SEPTIN11: variants seen among roughly 807,000 people sequenced by gnomAD.
SEPTIN11 encodes the protein septin-11.
SEPTIN11 carries 25 observed loss-of-function variants against 51.4 expected under a neutral mutation model. The observed-to-expected ratio is 0.49, with a 90% CI of 0.35 to 0.68. The LOEUF (loss-of-function observed/expected upper bound fraction) is 0.68, where lower values mean the gene tolerates loss of function less well. Ranked by LOEUF, SEPTIN11 falls within the 30% of genes least tolerant of loss-of-function variation. SEPTIN11 has a pLI of 0.00. For missense variants in SEPTIN11, 381 were observed against 520.8 expected, an observed-to-expected ratio of 0.73 and a Z score of 2.61; for synonymous variants, 174 against 184.1, an observed-to-expected ratio of 0.95 and a Z score of 0.44.
chr4:76,987,064 A>G (rs1423920670), intron 1 of SEPTIN11, among the ~76,000 whole-genome samples: 4 of 152,212 alleles, frequency 2.6e-5, no homozygotes, highest in African/African-American at 9.6e-5. Context: ...ACAATTATTC[A>G]GTATTAATCA....
chr4:76,968,135 T>G (rs1578124984), intron 1 of SEPTIN11, among the ~76,000 whole-genome samples: 1 of 152,226 alleles, frequency 6.6e-6, no homozygotes, highest in South Asian at 2.1e-4. Flanking sequence ...TTAATGGCTG[T>G]TCCTATAGGC....
chr4:77,016,131 A>C lies in SEPTIN11; in HGVS notation c.687+1114A>C, dbSNP rs114217645. 7.4e-3 allele frequency among the ~76,000 whole-genome samples: 1,130 copies of C among 152,264 alleles called. 10 individuals carry two copies. The highest frequency in any genetic ancestry group is 0.026 in the African/African-American group (1,067 of 41,532). On this transcript the variant is annotated intron_variant, in intron 5 of 9. Transcript: ENST00000264893. ...TGGTTGTGGGTATTGAGAGCTACAT[A>C]ATAATAATAGCACCTGACATTTTTC... is the stretch of plus-strand genomic sequence containing the variant.
Position 77,015,558 on chromosome 4 carries a change from G to T in SEPTIN11, c.687+541G>T, listed in dbSNP as rs184730655. 7.5e-4 allele frequency among the ~76,000 whole-genome samples: 114 copies of T among 152,284 alleles called. 1 individual carries two copies. The highest frequency in any genetic ancestry group is 2.6e-3 in the African/African-American group (110 of 41,548). On this transcript the variant is annotated intron_variant, in intron 5 of 9. Transcript: ENST00000264893. ...TGATTGTGATGTAATCCCTCCTGGTGAGTCTCCATCCTGCCGGTTGATGCT... is the reference window on the plus strand; with the variant it reads ...TGATTGTGATGTAATCCCTCCTGGTTAGTCTCCATCCTGCCGGTTGATGCT...
intron 1 of SEPTIN11, among the ~76,000 whole-genome samples, chr4:76,960,229 G>A (rs1037520457): frequency 1.3e-5 from 2 of 152,180 alleles, no homozygotes; most frequent in African/African-American, 4.8e-5. Flanking sequence ...TCTAAGACTA[G>A]TACTTTGGCC....
chr4:76,985,859 A>C (rs1723001282), intron 1 of SEPTIN11, among the ~76,000 whole-genome samples: 1 of 152,170 alleles, frequency 6.6e-6, no homozygotes, highest in African/African-American at 2.4e-5. Context: ...GGCGCTTACA[A>C]ATTTTGGTGA....
Position 77,020,689 on chromosome 4 carries a change from A to G in SEPTIN11, c.953+19A>G, listed in dbSNP as rs748285874. ...CCTTCAGGTATGAAGGCATCTAGCA[A>G]TCAGGTGTCTCCCAGACAGTGGCGA... On this transcript the variant is annotated intron_variant, in intron 7 of 9. Transcript: ENST00000264893. The G allele has an allele frequency of 1.9e-6, 3 of 1,611,118 alleles. No homozygotes were observed. The Admixed American group carries it at 5.0e-5, about 27-fold the overall frequency.
At chr4:77,039,732 T>C (rs757832767), downstream of SEPTIN11, 2 of 985,438 alleles carry the variant, frequency 2.0e-6, no homozygotes, top group Non-Finnish European at 2.4e-6. Flanking sequence ...TACAATGTTT[T>C]TATTTTTCAG....
chr4:76,972,043 G>A (rs1722270021), intron 1 of SEPTIN11, among the ~76,000 whole-genome samples: 2 of 152,178 alleles, frequency 1.3e-5, no homozygotes, highest in East Asian at 1.9e-4. Context: ...GACTTAGTGA[G>A]GTTGGACATC....
Position 76,949,790 on chromosome 4 carries a change from C to G in SEPTIN11, c.-114C>G. 8.5e-7 allele frequency: 1 copy of G among 1,175,764 alleles called. No individual in the cohort carries two copies. Among genetic ancestry groups the G allele is most frequent in the Non-Finnish European group, 1.2e-6 (1 of 850,858 alleles). The allele number at this position is 1,175,764 out of a possible 1,614,324, so 72.8% of individuals were successfully genotyped here. A position where few individuals can be genotyped will look rare whatever the true frequency, so the allele number is the denominator to read the frequency against. On this transcript the variant is annotated 5_prime_UTR_variant, in exon 1 of 10. Transcript: ENST00000264893. The stretch of plus-strand genomic sequence containing the variant: ...TGGCTGCCAGCGGGACGCCGGCGAG[C>G]AGAGCGCAGCCGCGAGGGAGGCGCG...
In SEPTIN11 at chr4:77,030,810, C is replaced by T; in HGVS notation, c.1114C>T (p.Arg372Trp). The change falls in exon 9 of 10, where the codon CGG becomes TGG. Residue 372 changes from arginine (R) to tryptophan (W), a missense_variant. Coordinates refer to ENST00000264893, the MANE Select transcript of SEPTIN11 (RefSeq NM_018243.4). ...TCACGAGAAGTTTGACCTTCTAAAG[C>T]GGACACACCAAGAAGAAAAGAAGAA... is the stretch of plus-strand genomic sequence containing the variant. ...ELHEKFDLLK[R>W]THQEEKKKVE... is the part of the protein sequence containing the mutation. 3.7e-6 allele frequency: 6 copies of T among 1,600,090 alleles called. No individual in the cohort carries two copies. The highest frequency in any genetic ancestry group is 1.1e-5 in the South Asian group (1 of 89,434).
At position 76,970,736 on chromosome 4, in the gene SEPTIN11, A is replaced by G. The variant is rs371323505; in HGVS notation, c.27+20806A>G. Among the ~76,000 whole-genome samples the G allele has an allele frequency of 3.2e-4, 49 of 152,346 alleles. No individual in the cohort carries two copies. The East Asian group carries it at 4.6e-3, about 14-fold the overall frequency. On this transcript the variant is annotated intron_variant, in intron 1 of 9. Coordinates refer to ENST00000264893, the MANE Select transcript of SEPTIN11 (RefSeq NM_018243.4). The stretch of plus-strand genomic sequence containing the variant: ...AATTTACTCCTATCAATCAGAAAAT[A>G]CTACAGTGACTGGTGAGGCAGCCTT...
intron 1 of SEPTIN11, among the ~76,000 whole-genome samples, chr4:76,964,027 C>A (rs942219884): frequency 5.9e-5 from 9 of 151,918 alleles, no homozygotes; most frequent in Admixed American, 5.9e-4. Flanking sequence ...TTGTTCAATT[C>A]CTACCTATGA....
At chr4:77,018,427 C>T (rs568206170) in intron 5 of SEPTIN11, among the ~76,000 whole-genome samples, 16 of 145,186 alleles carry the variant, frequency 1.1e-4, no homozygotes, top group Middle Eastern at 3.7e-3. Context: ...CCAGCCTGGG[C>T]AACAGAGCGA....
intron 1 of SEPTIN11, among the ~76,000 whole-genome samples, chr4:76,953,663 T>C (rs889246730): frequency 2.0e-5 from 3 of 152,202 alleles, no homozygotes; most frequent in Non-Finnish European, 2.9e-5. Flanking sequence ...TTTCAAAAAT[T>C]AGAACTTTTT....
rs1726966163 is a variant in SEPTIN11 at position 77,035,521 on chromosome 4, G to A, written c.*1009G>A. 1.0e-6 allele frequency: 1 copy of A among 985,360 alleles called. No individual in the cohort carries two copies. The highest frequency in any genetic ancestry group is 1.2e-6 in the Non-Finnish European group (1 of 829,908). The allele number at this position is 985,360 out of a possible 1,614,324, so 61.0% of individuals were successfully genotyped here. On this transcript the variant is annotated 3_prime_UTR_variant, in exon 10 of 10. Coordinates refer to ENST00000264893, the MANE Select transcript of SEPTIN11 (RefSeq NM_018243.4). ...TGTATCATTGGTAGCACAAATTTGAGCGAGGCCTTGTCAATTTTAAGGTGG... is the reference window on the plus strand; with the variant it reads ...TGTATCATTGGTAGCACAAATTTGAACGAGGCCTTGTCAATTTTAAGGTGG...
chr4:77,001,225 T>C (rs895371339), intron 2 of SEPTIN11, among the ~76,000 whole-genome samples: 1 of 152,162 alleles, frequency 6.6e-6, no homozygotes, highest in African/African-American at 2.4e-5. Flanking sequence ...CTCTAATTAC[T>C]GTAGCAATAG....
At chr4:76,968,548 TC>T (rs370944500) in intron 1 of SEPTIN11, among the ~76,000 whole-genome samples, 119 of 152,322 alleles carry the variant, frequency 7.8e-4, no homozygotes, top group Non-Finnish European at 1.5e-3. Context: ...AAAACATCTT[TC>T]TAAAAGGTTG....
At chr4:76,963,628 T>G (rs568740862) in intron 1 of SEPTIN11, among the ~76,000 whole-genome samples, 56 of 152,336 alleles carry the variant, frequency 3.7e-4, no homozygotes, top group African/African-American at 1.1e-3. Context: ...ACACTTGAAA[T>G]GTGGCTGGGA....
At chr4:77,005,532 A>T (rs769240884) in intron 2 of SEPTIN11, 69 bp from the exon 3 acceptor site, 1 of 1,348,368 alleles carries the variant, frequency 7.4e-7, no homozygotes, top group Non-Finnish European at 1.0e-6. Context: ...AATAAAAAAT[A>T]CTGATGAATT....
Sources: allele counts gnomAD v4.1 joint callset (sites outside exome capture counted in the v4.1 genomes callset), GRCh38; gene constraint gnomAD v4.1.1; transcripts MANE v1.5; gene names NCBI Gene and HGNC (gene_info 2026-07-23, HGNC 2026-07-21).